WDR36: variants seen among roughly 807,000 people sequenced by gnomAD.
WDR36 encodes WD repeat domain 36, also known as WD repeat-containing protein 36.
WDR36 carries 63 observed loss-of-function variants against 112.7 expected under a neutral mutation model. The ratio of observed to expected loss-of-function variants is 0.56; its 90% CI spans 0.46 to 0.69. The LOEUF (loss-of-function observed/expected upper bound fraction) is 0.69. WDR36 is among the 30% of genes least tolerant of loss of function. The pLI is 0.00. For missense variants in WDR36, 1,226 were observed against 1,070.3 expected (o/e 1.15, Z -2.03); for synonymous variants, 410 against 362.2 (o/e 1.13, Z -1.50).
chr5:111,120,136 A>T (rs1224901635), intron 17 of WDR36, among the ~76,000 whole-genome samples: 1 of 152,150 alleles, frequency 6.6e-6, no homozygotes, highest in Non-Finnish European at 1.5e-5. Flanking sequence ...TGCTCAGCAT[A>T]TTCGCACTCT....
intron 16 of WDR36, among the ~76,000 whole-genome samples, chr5:111,117,161 A>G (rs748424688): frequency 2.6e-5 from 4 of 152,178 alleles, no homozygotes; most frequent in Non-Finnish European, 5.9e-5. Flanking sequence ...TTCAAAACAG[A>G]CTTGAACAGA....
At chr5:111,124,324 A>G in intron 21 of WDR36, 135 bp downstream of exon 21, 1 of 709,806 alleles carries the variant, frequency 1.4e-6, no homozygotes, top group African/African-American at 1.8e-5. Flanking sequence ...TTTGGTTTTA[A>G]TTTGACGTAA....
chr5:111,107,355 C>G lies in WDR36; in HGVS notation c.1242C>G (p.Cys414Trp). ...CTTGCCATCAAGGTAAGCTATCTTG[C>G]TCAACCTGGAATTATCAGAAATCTA... ...IIACHQGKLS[C>W]STWNYQKSTI... Residue 414 changes from cysteine (C) to tryptophan (W), a missense_variant, in exon 12 of 23, where the codon TGC becomes TGG. By Grantham distance (215) the Cys-to-Trp change is radical. Coordinates refer to ENST00000513710, the MANE Select transcript of WDR36 (RefSeq NM_139281.3). 1 of 1,610,590 alleles carries G rather than the reference C, an allele frequency of 6.2e-7. No homozygotes were observed. The highest frequency in any genetic ancestry group is 8.5e-7 in the Non-Finnish European group (1 of 1,177,756).
intron 6 of WDR36, 21 bp downstream of exon 6, chr5:111,102,420 TCAAAGAGGAA>T (rs1561702939): frequency 6.2e-7 from 1 of 1,607,124 alleles, no homozygotes; most frequent in South Asian, 1.1e-5. Context: ...TTCTGTTAAG[TCAAAGAGGAA>T]CAAAGTTAAT....
At chr5:111,108,578 A>G (rs1285390197) in intron 12 of WDR36, among the ~76,000 whole-genome samples, 1 of 151,398 alleles carries the variant, frequency 6.6e-6, no homozygotes, top group Admixed American at 6.6e-5. Context: ...ATAGTTTTGA[A>G]TAATGGTTGT....
chr5:111,093,563 G>T (rs1752913953), intron 1 of WDR36, among the ~76,000 whole-genome samples: 3 of 152,112 alleles, frequency 2.0e-5, no homozygotes, highest in Admixed American at 2.0e-4. Flanking sequence ...AGACAGGGTG[G>T]GTTAGAACCA....
Position 111,092,477 on chromosome 5 carries a change from G to A in WDR36, c.21G>A (p.Arg7=). The A allele has an allele frequency of 6.2e-7, 1 of 1,614,232 alleles. No individual in the cohort carries two copies. Among genetic ancestry groups the A allele is most frequent in the Non-Finnish European group, 8.5e-7 (1 of 1,180,048 alleles). ...CGGCAATGGAACGGGCCTCAGAAAG[G>A]CGCACGGCCAGCGCGCTTTTTGCGG... MERASE[R]RTASALFAGF... Residue 7 remains arginine, a synonymous_variant, in exon 1 of 23, where the codon AGG becomes AGA. Transcript: ENST00000513710.
chr5:111,113,201 A>T (rs1561707121), intron 16 of WDR36, 48 bp downstream of exon 16: 2 of 1,216,166 alleles, frequency 1.6e-6, no homozygotes, highest in Non-Finnish European at 2.4e-6. Flanking sequence ...TTTCTAAGTT[A>T]TTTTTTTCAC....
intron 1 of WDR36, among the ~76,000 whole-genome samples, chr5:111,093,458 G>A (rs1752911849): frequency 6.6e-6 from 1 of 152,202 alleles, no homozygotes; most frequent in Non-Finnish European, 1.5e-5. Flanking sequence ...AAAAGAGCTG[G>A]GAGGTAGGAA....
Position 111,124,089 on chromosome 5 carries a change from G to A in WDR36, c.2269-19G>A, listed in dbSNP as rs1288877571. On this transcript the variant is annotated intron_variant, in intron 20 of 22. Coordinates refer to ENST00000513710, the MANE Select transcript of WDR36 (RefSeq NM_139281.3). ...GATACTTGAATTATTTGAATAATGT[G>A]TATTTGTTTTTGTTTAAGTCTAAAG... The A allele has an allele frequency of 2.5e-6, 4 of 1,609,884 alleles. No individual in the cohort carries two copies. The highest frequency in any genetic ancestry group is 3.3e-5 in the Admixed American group (2 of 59,970).
chr5:111,121,173 C>T (rs749964225), intron 19 of WDR36, 32 bp downstream of exon 19: 1 of 1,611,638 alleles, frequency 6.2e-7, no homozygotes, highest in Non-Finnish European at 8.5e-7. Flanking sequence ...AGACCCTAAG[C>T]ATGCATCCAG....
chr5:111,097,009 T>A, intron 2 of WDR36, 70 bp from the exon 3 acceptor site: 1 of 1,031,254 alleles, frequency 9.7e-7, no homozygotes, highest in African/African-American at 1.6e-5. Context: ...AAAAATGTTA[T>A]ATGTATACTT....
At chr5:111,102,814 G>A (rs554195377) in intron 6 of WDR36, among the ~76,000 whole-genome samples, 120 of 151,686 alleles carry the variant, frequency 7.9e-4, no homozygotes, top group African/African-American at 2.6e-3. Flanking sequence ...TGTTTGATTC[G>A]ATGATGGACT....
At chr5:111,095,155 T>A (rs1752948482) in intron 2 of WDR36, 1 of 544,688 alleles carries the variant, frequency 1.8e-6, no homozygotes, top group African/African-American at 1.9e-5. Context: ...TCTGGAACTG[T>A]TCTTTAGACT....
At position 111,113,034 on chromosome 5, in the gene WDR36, TAA is replaced by T. The variant is rs1491119521; in HGVS notation, c.1717-39_1717-38del. ...ATATTCATATATATTTATATATAAA[TAA>T]TATATATATATATATATTTTTTTTT... is the stretch of plus-strand genomic sequence containing the variant. On this transcript the variant is annotated intron_variant, in intron 15 of 22. Transcript: ENST00000513710. 6.8e-5 allele frequency: 20 copies of T among 293,254 alleles called. 1 individual carries two copies. The highest frequency in any genetic ancestry group is 1.2e-3 in the Middle Eastern group (1 of 862). The allele number at this position is 293,254 out of a possible 1,614,324, so 18.2% of individuals were successfully genotyped here. A position where few individuals can be genotyped will look rare whatever the true frequency, so the allele number is the denominator to read the frequency against.
At chr5:111,122,810 G>A (rs11241098) in intron 19 of WDR36, among the ~76,000 whole-genome samples, 5,675 of 152,162 alleles carry the variant, frequency 0.037, 344 homozygotes, top group African/African-American at 0.13. Context: ...CCATAGAAAC[G>A]CTCTTCCATC....
At chr5:111,108,526 G>A (rs912839094) in intron 12 of WDR36, among the ~76,000 whole-genome samples, 12 of 150,366 alleles carry the variant, frequency 8.0e-5, no homozygotes, top group African/African-American at 2.0e-4. Flanking sequence ...TTTCTAAACC[G>A]TAAAGATTCT....
At position 111,128,398 on chromosome 5, in the gene WDR36, CT is replaced by C. The variant is rs1753717570; in HGVS notation, c.*1519del. On this transcript the variant is annotated 3_prime_UTR_variant, in exon 23 of 23. Transcript: ENST00000513710. Reference sequence around the variant, plus strand: ...GGTTATTGTACTCAATTTCGTTTTTCTTTTAGAAATGTGTATTGACTTATTA... The same window carrying C: ...GGTTATTGTACTCAATTTCGTTTTTCTTTAGAAATGTGTATTGACTTATTA... 1 of 182,952 alleles carries C rather than the reference CT, an allele frequency of 5.5e-6. No individual in the cohort carries two copies. Among genetic ancestry groups the C allele is most frequent in the African/African-American group, 2.3e-5 (1 of 42,614 alleles). The allele number at this position is 182,952 out of a possible 1,614,324, so 11.3% of individuals were successfully genotyped here. A position where few individuals can be genotyped will look rare whatever the true frequency, so the allele number is the denominator to read the frequency against.
chr5:111,100,650 A>G lies in WDR36; in HGVS notation c.471A>G (p.Pro157=). The change falls in exon 5 of 23, where the codon CCA becomes CCG. Residue 157 remains proline (P), a synonymous_variant. Transcript: ENST00000513710. ...SVFKISAILH[P]STYLNKILLG... is the part of the protein sequence containing the mutation. ...TTAAAATTTCTGCAATTTTGCATCC[A>G]AGTACCTACTTGAATAAAATACTTC... 6.2e-7 allele frequency: 1 copy of G among 1,607,506 alleles called. No homozygotes were observed. The highest frequency in any genetic ancestry group is 8.5e-7 in the Non-Finnish European group (1 of 1,176,016).
Sources: allele counts gnomAD v4.1 joint callset (sites outside exome capture counted in the v4.1 genomes callset), GRCh38; gene constraint gnomAD v4.1.1; transcripts MANE v1.5; gene names NCBI Gene and HGNC (gene_info 2026-07-23, HGNC 2026-07-21).